The following ANK2 variants were observed in gnomAD, a reference collection of about 807,000 sequenced individuals.
The protein encoded by ANK2 is ankyrin 2.
A neutral mutation model predicts 360.5 loss-of-function variants in ANK2; 83 were observed. The observed-to-expected ratio is 0.23, with a 90% CI of 0.19 to 0.28. ANK2 has a LOEUF of 0.28. Ranked by LOEUF, ANK2 falls within the 10% of genes least tolerant of loss-of-function variation. ANK2 has a pLI of 1.00. For synonymous variants in ANK2, 1,740 were observed against 1,759.5 expected, an observed-to-expected ratio of 0.99 and a Z score of 0.28; for missense variants, 4,201 against 4,795.7, an observed-to-expected ratio of 0.88 and a Z score of 3.66.
At chr4:113,032,618 G>A (rs956358303) in intron 2 of ANK2, among the ~76,000 whole-genome samples, 1 of 151,950 alleles carries the variant, frequency 6.6e-6, no homozygotes, top group African/African-American at 2.4e-5. Flanking sequence ...TGACTTTGAG[G>A]TATTGCCAAA....
chr4:112,816,864 G>T (rs1198927950), upstream of ANK2, among the ~76,000 whole-genome samples: 1 of 152,040 alleles, frequency 6.6e-6, no homozygotes, highest in African/African-American at 2.4e-5. Flanking sequence ...TACAAAAATT[G>T]GCCAGGTGTG....
chr4:113,172,421 T>A (rs1158556349), intron 1 of ANK2, among the ~76,000 whole-genome samples: 1 of 152,192 alleles, frequency 6.6e-6, no homozygotes, highest in Non-Finnish European at 1.5e-5. Context: ...ATAAATTAAA[T>A]CTCAGGTCTT....
chr4:113,210,926 G>A (rs1261986289), intron 4 of ANK2, among the ~76,000 whole-genome samples: 4 of 152,112 alleles, frequency 2.6e-5, no homozygotes, highest in Non-Finnish European at 4.4e-5. Context: ...AGAGGACAAG[G>A]AAATCTAAAT....
chr4:113,359,522 T>A (rs1251806950), intron 38 of ANK2, among the ~76,000 whole-genome samples: 1 of 152,142 alleles, frequency 6.6e-6, no homozygotes, highest in Non-Finnish European at 1.5e-5. Context: ...ATGGAAAACA[T>A]AAACATAATA....
intron 9 of ANK2, among the ~76,000 whole-genome samples, chr4:113,244,108 A>G (rs2041528141): frequency 6.6e-6 from 1 of 152,236 alleles, no homozygotes; most frequent in African/African-American, 2.4e-5. Flanking sequence ...ATGGATTCTT[A>G]TACTAGTTCT....
At position 113,354,677 on chromosome 4, in the gene ANK2, A is replaced by G. The variant is rs1204913903; in HGVS notation, c.6059A>G (p.Gln2020Arg). The G allele has an allele frequency of 6.2e-7, 1 of 1,614,190 alleles. No individual in the cohort carries two copies. The highest frequency in any genetic ancestry group is 1.1e-5 in the South Asian group (1 of 91,084). The change falls in exon 38 of 46, where the codon CAG becomes CGG. Residue 2020 changes from glutamine (Q) to arginine (R), a missense_variant. Physicochemically the swap from Gln to Arg is conservative, Grantham distance 43. This residue lies in a region of ANK2 where 2,642 missense variants were observed against 2,714.5 expected (regional missense o/e 0.97). Coordinates refer to ENST00000357077, the MANE Select transcript of ANK2 (RefSeq NM_001148.6). Reference sequence around the variant, plus strand: ...GAGCACAAATCAGCAAAACAAAAGCAGCCACAAGAGAAAGGTAAAGTTCGG... The same window carrying G: ...GAGCACAAATCAGCAAAACAAAAGCGGCCACAAGAGAAAGGTAAAGTTCGG... Reference protein sequence around the residue: ...LFEHKSAKQKQPQEKGKVRVE... With the variant: ...LFEHKSAKQKRPQEKGKVRVE...
At chr4:113,351,266 A>G (rs1204919961) in intron 37 of ANK2, among the ~76,000 whole-genome samples, 1 of 152,138 alleles carries the variant, frequency 6.6e-6, no homozygotes, top group Non-Finnish European at 1.5e-5. Context: ...ACCATGTTTA[A>G]TATGCTCATG....
chr4:113,335,026 T>A (rs936565614), intron 29 of ANK2, among the ~76,000 whole-genome samples: 10 of 152,142 alleles, frequency 6.6e-5, no homozygotes, highest in Admixed American at 5.2e-4. Flanking sequence ...TTCCTGCCTC[T>A]ATAATGAATT....
intron 2 of ANK2, among the ~76,000 whole-genome samples, chr4:112,990,752 T>A (rs2046463377): frequency 6.6e-6 from 1 of 152,208 alleles, no homozygotes; most frequent in Non-Finnish European, 1.5e-5. Context: ...ATTCTCCTTT[T>A]CCCTCCTTAC....
chr4:112,865,015 G>C (rs2069821608), intron 1 of ANK2, among the ~76,000 whole-genome samples: 1 of 113,900 alleles, frequency 8.8e-6, no homozygotes, highest in Non-Finnish European at 1.7e-5. Context: ...CTGGGCGACA[G>C]AGCGAGACTC....
At chr4:113,133,526 A>C (rs779912144) in intron 1 of ANK2, among the ~76,000 whole-genome samples, 5 of 152,236 alleles carry the variant, frequency 3.3e-5, no homozygotes, top group East Asian at 1.9e-4. Flanking sequence ...TCCAAATCCC[A>C]TGCCTTTTCG....
At chr4:113,371,281 AC>A (rs1485053903) in intron 43 of ANK2, among the ~76,000 whole-genome samples, 1 of 152,174 alleles carries the variant, frequency 6.6e-6, no homozygotes, top group Non-Finnish European at 1.5e-5. Flanking sequence ...GCAGATGAGA[AC>A]TGTGTCCTGA....
Position 113,242,184 on chromosome 4 carries a change from G to A in ANK2, c.866G>A (p.Gly289Asp). The change falls in exon 9 of 46, where the codon GGC becomes GAC. Residue 289 changes from glycine to aspartate, a missense_variant. Physicochemically the swap from Gly to Asp is moderately conservative, Grantham distance 94. Transcript: ENST00000357077. ...ATGGTGAAGCTCTTACTGGATCGAG[G>A]CGGTCAGATCGATGCCAAAACTAGG... ...TNMVKLLLDRGGQIDAKTRDG... is the reference protein window; with the variant it reads ...TNMVKLLLDRDGQIDAKTRDG... 1 of 1,613,982 alleles carries A rather than the reference G, an allele frequency of 6.2e-7. No homozygotes were observed. The highest frequency in any genetic ancestry group is 8.5e-7 in the Non-Finnish European group (1 of 1,179,906).
chr4:113,048,354 G>C (rs923538288), upstream of ANK2, among the ~76,000 whole-genome samples: 8 of 124,770 alleles, frequency 6.4e-5, no homozygotes, highest in Non-Finnish European at 1.3e-4. Context: ...TGCACTGGGG[G>C]CAATCTTGGC....
At chr4:113,374,731 G>C (rs753944694) in intron 45 of ANK2, 58 of 1,011,262 alleles carry the variant, frequency 5.7e-5, no homozygotes, top group Non-Finnish European at 3.2e-5. Context: ...TTGGCAATCA[G>C]ACATTGTCTA....
At chr4:113,245,482 G>A (rs1012919167) in intron 9 of ANK2, among the ~76,000 whole-genome samples, 2 of 152,132 alleles carry the variant, frequency 1.3e-5, no homozygotes, top group South Asian at 2.1e-4. Flanking sequence ...TTACAATCAT[G>A]GCAGAAGCAG....
intron 2 of ANK2, among the ~76,000 whole-genome samples, chr4:112,909,149 T>G (rs2086250351): frequency 6.6e-6 from 1 of 152,242 alleles, no homozygotes; most frequent in Non-Finnish European, 1.5e-5. Context: ...TCTGTTTGCA[T>G]GTGATGCCAA....
chr4:113,053,411 A>G (rs936830389), intron 1 of ANK2, among the ~76,000 whole-genome samples: 4 of 152,208 alleles, frequency 2.6e-5, no homozygotes, highest in Non-Finnish European at 5.9e-5. Context: ...TCATACTAAC[A>G]GATATTGCCC....
At chr4:113,126,001 G>A (rs1313155668) in intron 1 of ANK2, among the ~76,000 whole-genome samples, 2 of 151,996 alleles carry the variant, frequency 1.3e-5, no homozygotes, top group African/African-American at 4.8e-5. Context: ...ATTAAGACTG[G>A]GTATATACAA....
Sources: allele counts gnomAD v4.1 joint callset (sites outside exome capture counted in the v4.1 genomes callset), GRCh38; gene constraint gnomAD v4.1.1; regional missense constraint gnomAD v4.1.1; transcripts MANE v1.5; gene names NCBI Gene and HGNC (gene_info 2026-07-23, HGNC 2026-07-21).